Variants in SUSD2 observed in about 807,000 individuals in gnomAD.
SUSD2 encodes the protein sushi domain-containing protein 2.
In SUSD2, 86 loss-of-function variants were observed where a neutral mutation model predicts 93.8. That is an observed-to-expected ratio of 0.92 (90% CI 0.77 to 1.10). The LOEUF is 1.10. Among genes scored for constraint, SUSD2 ranks in the 50% least tolerant of loss-of-function variants. The pLI is 0.00. For synonymous variants in SUSD2, 483 were observed against 485.0 expected (o/e 1.00, Z 0.05); for missense variants, 1,060 against 1,137.0 (o/e 0.93, Z 0.97).
intron 5 of SUSD2, 28 bp downstream of exon 5, chr22:24,184,968 G>A (rs1405308129): frequency 1.2e-5 from 19 of 1,612,332 alleles, no homozygotes; most frequent in Non-Finnish European, 1.6e-5. Flanking sequence ...TGCAGGTGAT[G>A]GCTGGAGGGC....
chr22:24,188,787 CT>C lies in SUSD2; in HGVS notation c.*352del, dbSNP rs1285999333. 4.1e-6 allele frequency: 1 copy of C among 243,888 alleles called. No individual in the cohort carries two copies. The highest frequency in any genetic ancestry group is 8.1e-6 in the Non-Finnish European group (1 of 124,186). 15.1% of individuals were successfully genotyped at this position (243,888 alleles called of 1,614,324 possible). A position where few individuals can be genotyped will look rare whatever the true frequency, so the allele number is the denominator to read the frequency against. ...TCCCTAGAGCCTGACGCCGGGGCCC[CT>C]GACCCCTGAGCCTCAGATTCCAATA... On this transcript the variant is annotated 3_prime_UTR_variant, in exon 15 of 15. Coordinates refer to ENST00000358321, the MANE Select transcript of SUSD2 (RefSeq NM_019601.4). The surrounding 1 kb of genome is among the most constrained non-coding windows in gnomAD (Gnocchi z 4.7).
rs1806110087 is a variant in SUSD2 at position 24,186,819 on chromosome 22, G to T, written c.1643-383G>T. On this transcript the variant is annotated intron_variant, in intron 10 of 14. Transcript: ENST00000358321. ...TCCACATCTGAACCCCTTGCCTCAG[G>T]GAACTGAGTCAATGAAAGGATTCCT... 2.0e-5 allele frequency: 8 copies of T among 405,922 alleles called. No homozygotes were observed. In the South Asian group the frequency reaches 2.3e-4, roughly 12 times the overall value. The allele number at this position is 405,922 out of a possible 1,614,324, so 25.1% of individuals were successfully genotyped here. A position where few individuals can be genotyped will look rare whatever the true frequency, so the allele number is the denominator to read the frequency against.
Position 24,187,822 on chromosome 22 carries a change from C to T in SUSD2, c.2143C>T (p.Arg715Cys), listed in dbSNP as rs577168381. ...TRVAHQLHQR[R>C]MQSLQPVVSC... ...GGTGGCCCACCAGCTGCACCAGCGT[C>T]GCATGCAGAGCCTGCAGCCAGGTGA... is the stretch of plus-strand genomic sequence containing the variant. The change falls in exon 12 of 15, where the codon CGC (arginine) becomes TGC (cysteine). Residue 715 changes from arginine (R) to cysteine (C), a missense_variant. Physicochemically the swap from Arg to Cys is radical, Grantham distance 180. Coordinates refer to ENST00000358321, the MANE Select transcript of SUSD2 (RefSeq NM_019601.4). 1.4e-5 allele frequency: 23 copies of T among 1,612,444 alleles called. No homozygotes were observed. In the East Asian group the frequency reaches 2.0e-4, roughly 14 times the overall value.
Position 24,187,327 on chromosome 22 carries a change from A to C in SUSD2, c.1768A>C (p.Thr590Pro). The C allele has an allele frequency of 6.2e-7, 1 of 1,613,706 alleles. No homozygotes were observed. Among genetic ancestry groups the C allele is most frequent in the Non-Finnish European group, 8.5e-7 (1 of 1,179,930 alleles). Residue 590 changes from threonine to proline, a missense_variant, in exon 11 of 15, where the codon ACC (threonine) becomes CCC (proline). Thr to Pro is a conservative substitution (Grantham distance 38, BLOSUM62 -1). Coordinates refer to ENST00000358321, the MANE Select transcript of SUSD2 (RefSeq NM_019601.4). ...CGTCCTGCTGCCTGAGAAGTTCCTC[A>C]CCCACACCCACGGCCTCCTCGGGAC... is the stretch of plus-strand genomic sequence containing the variant. ...VSVLLPEKFL[T>P]HTHGLLGTLN...
At chr22:24,182,057 C>T (rs1282958660) in intron 1 of SUSD2, among the ~76,000 whole-genome samples, 1 of 152,222 alleles carries the variant, frequency 6.6e-6, no homozygotes, top group Non-Finnish European at 1.5e-5. Context: ...TCGGCCTCCT[C>T]CCCCGACCCC....
Position 24,183,533 on chromosome 22 carries a change from C to G in SUSD2, c.326C>G (p.Ser109Cys), listed in dbSNP as rs749618986. Residue 109 changes from serine (S) to cysteine (C), a missense_variant, in exon 3 of 15, where the codon TCC (serine) becomes TGC (cysteine). Ser to Cys is a moderately radical substitution (Grantham distance 112). Transcript: ENST00000358321. ...ATCCAGACCCTCGGCCATGTGGACT[C>G]CTCCGGGCAAGTGCACTGTGTGTCA... is the stretch of plus-strand genomic sequence containing the variant. The part of the protein sequence containing the change: ...DSIQTLGHVD[S>C]SGQVHCVSPL... The G allele has an allele frequency of 3.1e-6, 5 of 1,613,304 alleles. No homozygotes were observed. The Admixed American group carries it at 8.3e-5, about 27-fold the overall frequency.
In SUSD2 at chr22:24,188,583, C is replaced by G. The variant is rs35474538; in HGVS notation, c.*147C>G. The G allele has an allele frequency of 0.022, 16,360 of 746,166 alleles. 264 individuals are homozygous for G. The highest frequency in any genetic ancestry group is 0.033 in the South Asian group (1,871 of 56,738). The allele number at this position is 746,166 out of a possible 1,614,324, so 46.2% of individuals were successfully genotyped here. On this transcript the variant is annotated 3_prime_UTR_variant, in exon 15 of 15. Transcript: ENST00000358321. This position sits in a 1 kb window ranked among gnomAD's most constrained non-coding sequence, Gnocchi z 4.7. The stretch of plus-strand genomic sequence containing the variant: ...AACCCCCTACTCTGTCATCTCAGAC[C>G]CCAGGCAGGAGGCCCAGTGTTCCAA...
At position 24,187,775 on chromosome 22, in the gene SUSD2, T is replaced by A; in HGVS notation, c.2096T>A (p.Leu699Gln). Residue 699 changes from leucine (L) to glutamine (Q), a missense_variant, in exon 12 of 15, where the codon CTG becomes CAG. Physicochemically the swap from Leu to Gln is moderately radical, Grantham distance 113. Coordinates refer to ENST00000358321, the MANE Select transcript of SUSD2 (RefSeq NM_019601.4). ...CNFDVAATGS[L>Q]STGTATRVAH... ...TTTGATGTGGCAGCCACTGGGAGCC[T>A]GAGCACGGGCACTGCCACTCGGGTG... 1 of 1,613,718 alleles carries A rather than the reference T, an allele frequency of 6.2e-7. No individual in the cohort carries two copies. The highest frequency in any genetic ancestry group is 2.2e-5 in the East Asian group (1 of 44,872).
Position 24,184,898 on chromosome 22 carries a change from G to C in SUSD2, c.740G>C (p.Gly247Ala), listed in dbSNP as rs1466096029. 2.5e-6 allele frequency: 4 copies of C among 1,614,042 alleles called. No homozygotes were observed. The highest frequency in any genetic ancestry group is 3.4e-6 in the Non-Finnish European group (4 of 1,179,994). Residue 247 changes from glycine (G) to alanine (A), a missense_variant, in exon 5 of 15, where the codon GGT becomes GCT. Physicochemically the swap from Gly to Ala is moderately conservative, Grantham distance 60. Transcript: ENST00000358321. ...APPSYQRWRV[G>A]ALRIIDSKNY... ...CCCAGCTACCAGAGATGGCGAGTGG[G>C]TGCACTTCGGATCATCGACAGCAAA... is the stretch of plus-strand genomic sequence containing the variant.
In SUSD2 at chr22:24,184,189, C is replaced by G. The variant is rs115180746; in HGVS notation, c.493C>G (p.Arg165Gly). The change falls in exon 4 of 15, where the codon CGT becomes GGT. Residue 165 changes from arginine to glycine, a missense_variant. Physicochemically the swap from Arg to Gly is moderately radical, Grantham distance 125. This residue lies in a region of SUSD2 where 973 missense variants were observed against 1,005.3 expected (regional missense o/e 0.97). Transcript: ENST00000358321. ...MEKSELVNET[R>G]WQYYGTANTS... ...GAAGAGCGAGTTGGTGAACGAGACGCGTTGGCAATACTACGGCACCGCCAA... is the reference window on the plus strand; with the variant it reads ...GAAGAGCGAGTTGGTGAACGAGACGGGTTGGCAATACTACGGCACCGCCAA... 1.2e-3 allele frequency: 2,014 copies of G among 1,613,276 alleles called. 18 individuals carry two copies. The African/African-American group carries it at 0.024, about 19-fold the overall frequency.
Position 24,185,541 on chromosome 22 carries a change from C to T in SUSD2, c.1040C>T (p.Ala347Val). Residue 347 changes from alanine to valine, a missense_variant, in exon 7 of 15, where the codon GCC becomes GTC. Physicochemically the swap from Ala to Val is moderately conservative, Grantham distance 64. Transcript: ENST00000358321. ...QGSVCTYHPGAVHCVRSVQAS... is the reference protein window; with the variant it reads ...QGSVCTYHPGVVHCVRSVQAS... Reference sequence around the variant, plus strand: ...AGCGTGTGCACCTACCACCCCGGGGCCGTGCACTGTGTGCGTTCTGTGCAG... The same window carrying T: ...AGCGTGTGCACCTACCACCCCGGGGTCGTGCACTGTGTGCGTTCTGTGCAG... 6.3e-7 allele frequency: 1 copy of T among 1,585,912 alleles called. No homozygotes were observed. Among genetic ancestry groups the T allele is most frequent in the Non-Finnish European group, 8.6e-7 (1 of 1,166,216 alleles).
intron 3 of SUSD2, 139 bp from the exon 4 acceptor site, chr22:24,183,997 C>T (rs917290797): frequency 3.6e-6 from 3 of 831,530 alleles, no homozygotes; most frequent in Non-Finnish European, 5.6e-6. Flanking sequence ...TCCTTTTCTG[C>T]TGTGCGGGCC....
intron 7 of SUSD2, 42 bp downstream of exon 7, chr22:24,185,613 G>A (rs1173207826): frequency 2.5e-6 from 4 of 1,606,090 alleles, no homozygotes; most frequent in Admixed American, 1.7e-5. Flanking sequence ...TTGGGGTCAG[G>A]GGTGGGCTCC....
chr22:24,184,048 G>C (rs2047343987), intron 3 of SUSD2, 88 bp from the exon 4 acceptor site: 6 of 1,343,850 alleles, frequency 4.5e-6, no homozygotes, highest in East Asian at 2.3e-5. Flanking sequence ...ATTGGCCCTG[G>C]AGGCTCCCAC....
intron 2 of SUSD2, 87 bp from the exon 3 acceptor site, chr22:24,183,408 G>C (rs2047338090): frequency 6.5e-7 from 1 of 1,549,890 alleles, no homozygotes; most frequent in Non-Finnish European, 8.7e-7. Flanking sequence ...CTGGCTGGTT[G>C]GGTTCCCCAG....
intron 10 of SUSD2, 160 bp from the exon 11 acceptor site, chr22:24,187,042 G>A (rs2047371199): frequency 1.2e-5 from 11 of 884,066 alleles, no homozygotes; most frequent in Admixed American, 5.4e-5. Context: ...CAGGGGTGGC[G>A]GAGGGTCATG....
chr22:24,183,899 G>A (rs5760239), intron 3 of SUSD2: 52 of 647,098 alleles, frequency 8.0e-5, no homozygotes, highest in Non-Finnish European at 1.2e-4. Context: ...ACTGAGCTCC[G>A]CCATGCCAGG....
At position 24,187,663 on chromosome 22, in the gene SUSD2, G is replaced by A. The variant is rs372525863; in HGVS notation, c.1984G>A (p.Glu662Lys). 9.3e-6 allele frequency: 15 copies of A among 1,613,880 alleles called. No homozygotes were observed. The African/African-American group carries it at 9.3e-5, about 10-fold the overall frequency. The change falls in exon 12 of 15, where the codon GAG becomes AAG. Residue 662 changes from glutamate (E) to lysine (K), a missense_variant. Coordinates refer to ENST00000358321, the MANE Select transcript of SUSD2 (RefSeq NM_019601.4). ...LYQPKHDPTF[E>K]PLFPSETTLN... is the part of the protein sequence containing the mutation. ...CCAACCCAAGCACGACCCCACCTTC[G>A]AGCCCCTCTTCCCCAGTGAGACCAC...
Position 24,181,572 on chromosome 22 carries a change from GC to G in SUSD2, c.56del (p.Pro19ArgfsTer54). The G allele has an allele frequency of 1.2e-6, 2 of 1,600,238 alleles. No homozygotes were observed. Among genetic ancestry groups the G allele is most frequent in the Non-Finnish European group, 1.7e-6 (2 of 1,175,516 alleles). ...WALLLLATAL[G>X]PGPGPTADAQ... Reference sequence around the variant, plus strand: ...CTGCTGCTGCTGGCGACAGCCCTCGGCCCGGGCCCCGGACCCACAGCAGGTA... The same window carrying G: ...CTGCTGCTGCTGGCGACAGCCCTCGGCCGGGCCCCGGACCCACAGCAGGTA... On this transcript the variant is annotated frameshift_variant, in exon 1 of 15. Transcript: ENST00000358321. LOFTEE classifies it high-confidence loss of function.
Sources: gnomAD v4.1 joint callset for allele counts (sites outside exome capture counted in the v4.1 genomes callset) on GRCh38, gnomAD v4.1.1 for gene constraint, gnomAD v4.1.1 regional missense constraint, Gnocchi (gnomAD v3.1) non-coding constraint, MANE v1.5 for transcripts, NCBI Gene and HGNC (gene_info 2026-07-23, HGNC 2026-07-21) for gene names.